The following HNRNPA2B1 variants were observed in gnomAD, a reference collection of about 807,000 sequenced individuals.
HNRNPA2B1 encodes the protein heterogeneous nuclear ribonucleoproteins A2/B1.
In HNRNPA2B1, 3 loss-of-function variants were observed where a neutral mutation model predicts 46.3. The observed-to-expected ratio is 0.06, with a 90% CI of 0.03 to 0.17. The LOEUF (loss-of-function observed/expected upper bound fraction) is 0.17. HNRNPA2B1 is among the 10% of genes least tolerant of loss of function. The pLI is 1.00. For synonymous variants in HNRNPA2B1, 225 were observed against 133.8 expected (o/e 1.68, Z -4.70); for missense variants, 221 against 418.9 (o/e 0.53, Z 4.12).
At chr7:26,198,569 T>G (rs1783949890) in intron 1 of HNRNPA2B1, 1 of 152,380 alleles carries the variant, frequency 6.6e-6, no homozygotes. Context: ...AAGCTGAAGC[T>G]TACTTGATTG....
chr7:26,196,381 A>G lies in HNRNPA2B1; in HGVS notation c.658+20T>C. ...ATAAAAGCACACTCATCCTTTAAACACGTAGAACTTGAAACTCACCAGATC... is the reference window on the plus strand; with the variant it reads ...ATAAAAGCACACTCATCCTTTAAACGCGTAGAACTTGAAACTCACCAGATC... On this transcript the variant is annotated intron_variant, in intron 6 of 10. Transcript: ENST00000618183. 1 of 1,586,386 alleles carries G rather than the reference A, an allele frequency of 6.3e-7. No homozygotes were observed. Among genetic ancestry groups the G allele is most frequent in the Non-Finnish European group, 8.6e-7 (1 of 1,157,602 alleles).
rs888289145 is a variant in HNRNPA2B1 at position 26,200,522 on chromosome 7, A to G, written c.6+50T>C. The G allele has an allele frequency of 1.9e-6, 3 of 1,604,484 alleles. No individual in the cohort carries two copies. In the African/African-American group the frequency reaches 4.0e-5, roughly 21 times the overall value. Reference sequence around the variant, plus strand: ...CTGGCCGACTTCCACTGAGGCGCCAACGGCCTCGCCATGCCCTTTTCAATA... The same window carrying G: ...CTGGCCGACTTCCACTGAGGCGCCAGCGGCCTCGCCATGCCCTTTTCAATA... On this transcript the variant is annotated intron_variant, in intron 1 of 10. Coordinates refer to ENST00000618183, the MANE Select transcript of HNRNPA2B1 (RefSeq NM_002137.4).
At chr7:26,200,094 G>C (rs894984458) in intron 1 of HNRNPA2B1, 1 of 178,478 alleles carries the variant, frequency 5.6e-6, no homozygotes. Flanking sequence ...GAAAATAAAA[G>C]AGTTATAAGG....
At chr7:26,194,246 A>C (rs1012939970) in intron 7 of HNRNPA2B1, among the ~76,000 whole-genome samples, 5 of 152,060 alleles carry the variant, frequency 3.3e-5, no homozygotes, top group Admixed American at 2.0e-4. Context: ...AATACAAAAC[A>C]TTAGCCGGAC....
intron 9 of HNRNPA2B1, 113 bp downstream of exon 9, chr7:26,193,138 C>CT: frequency 9.8e-7 from 1 of 1,018,334 alleles, no homozygotes; most frequent in African/African-American, 1.6e-5. Context: ...TAAGACCGTA[C>CT]ATGGAGCACT....
chr7:26,196,280 T>G, intron 6 of HNRNPA2B1, 121 bp downstream of exon 6: 3 of 772,346 alleles, frequency 3.9e-6, no homozygotes, highest in Non-Finnish European at 4.2e-6. Context: ...CAGGATACAA[T>G]CTATTTGAAG....
intron 1 of HNRNPA2B1, 33 bp from the exon 2 acceptor site, chr7:26,197,765 T>A: frequency 1.9e-6 from 3 of 1,599,062 alleles, no homozygotes; most frequent in Non-Finnish European, 2.6e-6. Flanking sequence ...AATTTTTATT[T>A]ACATTTTCCT....
intron 1 of HNRNPA2B1, chr7:26,199,414 C>A (rs543288919): frequency 6.6e-6 from 1 of 152,336 alleles, no homozygotes; most frequent in East Asian, 1.9e-4. Context: ...TCAATCCATA[C>A]GCATTACAGG....
intron 3 of HNRNPA2B1, 47 bp downstream of exon 3, chr7:26,197,268 G>C (rs1263550390): frequency 1.9e-6 from 3 of 1,546,512 alleles, no homozygotes; most frequent in Non-Finnish European, 2.6e-6. Context: ...TTTTCAGCAG[G>C]GCAGCGTTCT....
chr7:26,196,630 A>G lies in HNRNPA2B1; in HGVS notation c.504T>C (p.His168=). The G allele has an allele frequency of 1.2e-6, 2 of 1,614,016 alleles. No individual in the cohort carries two copies. The highest frequency in any genetic ancestry group is 1.7e-6 in the Non-Finnish European group (2 of 1,179,866). ...ACAAAGCCTTTCTTACTTCTGCATT[A>G]TGACCATTGATGGTATGGTATTTCT... The part of the protein sequence containing the change: ...VLQKYHTING[H]NAEVRKALSR... Residue 168 remains histidine (H), a synonymous_variant, in exon 5 of 11, where the codon CAT becomes CAC. Coordinates refer to ENST00000618183, the MANE Select transcript of HNRNPA2B1 (RefSeq NM_002137.4).
At chr7:26,200,392 A>C in intron 1 of HNRNPA2B1, 180 bp downstream of exon 1, 1 of 693,980 alleles carries the variant, frequency 1.4e-6, no homozygotes, top group Non-Finnish European at 2.6e-6. Context: ...GAGGGTGGGG[A>C]AGCTGTTTGT....
At position 26,200,302 on chromosome 7, in the gene HNRNPA2B1, T is replaced by C. The variant is rs149218467; in HGVS notation, c.6+270A>G. 62 of 525,668 alleles carry C rather than the reference T, an allele frequency of 1.2e-4. No homozygotes were observed. In the East Asian group the frequency reaches 2.0e-3, roughly 17 times the overall value. 32.6% of individuals were successfully genotyped at this position (525,668 alleles called of 1,614,324 possible). On this transcript the variant is annotated intron_variant, in intron 1 of 10. Coordinates refer to ENST00000618183, the MANE Select transcript of HNRNPA2B1 (RefSeq NM_002137.4). The stretch of plus-strand genomic sequence containing the variant: ...GAATTCCCGCCTCCGCGCCCCACTT[T>C]CACCCCAGCGGGGCAGCGTCCGCCA...
At chr7:26,195,785 A>C in intron 7 of HNRNPA2B1, 62 bp downstream of exon 7, 3 of 1,548,090 alleles carry the variant, frequency 1.9e-6, no homozygotes, top group South Asian at 2.4e-5. Context: ...TAAATGAAGT[A>C]AATATACGAT....
intron 9 of HNRNPA2B1, among the ~76,000 whole-genome samples, chr7:26,192,978 G>T (rs566528025): frequency 6.6e-6 from 1 of 152,168 alleles, no homozygotes; most frequent in South Asian, 2.1e-4. Context: ...TTGCAATGTG[G>T]GTTGCAACTG....
chr7:26,193,058 C>A (rs1034298241), intron 9 of HNRNPA2B1, among the ~76,000 whole-genome samples, 193 bp downstream of exon 9: 1 of 152,130 alleles, frequency 6.6e-6, no homozygotes, highest in Non-Finnish European at 1.5e-5. Context: ...CATCCCTAAT[C>A]CCAATTTGAT....
chr7:26,195,934 C>A (rs548130427), intron 6 of HNRNPA2B1, 25 bp from the exon 7 acceptor site: 2 of 1,592,108 alleles, frequency 1.3e-6, no homozygotes, highest in Non-Finnish European at 1.7e-6. Flanking sequence ...AAAAAGATTA[C>A]GTTTACTATA....
At chr7:26,200,247 C>T (rs1321099973) in intron 1 of HNRNPA2B1, 4 of 347,238 alleles carry the variant, frequency 1.2e-5, no homozygotes, top group Non-Finnish European at 2.2e-5. Flanking sequence ...GCCGTGGCCC[C>T]CGAAGCAGCG....
intron 7 of HNRNPA2B1, among the ~76,000 whole-genome samples, chr7:26,195,302 T>C (rs1275739806): frequency 6.6e-6 from 1 of 152,170 alleles, no homozygotes; most frequent in Non-Finnish European, 1.5e-5. Context: ...ATGTCCCTTG[T>C]TACAAAATCT....
chr7:26,199,833 G>A (rs1743077219), intron 1 of HNRNPA2B1: 2 of 152,136 alleles, frequency 1.3e-5, no homozygotes, highest in Non-Finnish European at 2.9e-5. Flanking sequence ...CGCCCTGGGT[G>A]GTGATATCTT....
Sources: gnomAD v4.1 joint callset for allele counts (sites outside exome capture counted in the v4.1 genomes callset) on GRCh38, gnomAD v4.1.1 for gene constraint, MANE v1.5 for transcripts, NCBI Gene and HGNC (gene_info 2026-07-23, HGNC 2026-07-21) for gene names.